The following PLEC variants were observed in gnomAD, a reference collection of about 807,000 sequenced individuals.
PLEC encodes the protein hemidesmosomal protein 1.
PLEC carries 216 observed loss-of-function variants against 392.8 expected under a neutral mutation model. The ratio of observed to expected loss-of-function variants is 0.55; its 90% confidence interval spans 0.49 to 0.62. PLEC has a LOEUF of 0.62. PLEC is among the 20% of genes least tolerant of loss of function. The pLI, the probability that PLEC is intolerant of heterozygous loss-of-function variation, is 0.00. For synonymous variants in PLEC, 3,621 were observed against 2,980.6 expected (o/e 1.21, Z -7.00); for missense variants, 6,863 against 6,563.4 (o/e 1.05, Z -1.58).
chr8:143,966,390 C>G (rs1243293117), intron 1 of PLEC, among the ~76,000 whole-genome samples: 1 of 152,232 alleles, frequency 6.6e-6, no homozygotes, highest in Non-Finnish European at 1.5e-5. Context: ...TCTGCACACG[C>G]ATACCTATCT....
rs200509064 is a variant in PLEC, at chr8:143,919,390, G to A, written c.10431C>T (p.Pro3477=). The part of the protein sequence containing the change: ...AQIATGGIID[P]VHSHRVPVDV... ...CCACAGGCACGCGGTGGCTGTGCAC[G>A]GGGTCGATGATGCCGCCCGTGGCGA... The change falls in exon 32 of 32, where the codon CCC becomes CCT. Residue 3477 remains proline, a synonymous_variant. Coordinates refer to ENST00000345136, the MANE Select transcript of PLEC (RefSeq NM_201384.3). 7.7e-5 allele frequency: 125 copies of A among 1,613,620 alleles called. No individual in the cohort carries two copies. Among genetic ancestry groups the A allele is most frequent in the Middle Eastern group, 3.3e-4 (2 of 6,056 alleles).
rs782076448 is a variant in PLEC at position 143,916,850 on chromosome 8, G to T, written c.12971C>A (p.Pro4324His). ...AQACTGGIID[P>H]STGERFPVTD... ...GACAGGGAAGCGCTCACCGGTGCTGGGGTCGATGATGCCCCCGGTGCAGGC... is the reference window on the plus strand; with the variant it reads ...GACAGGGAAGCGCTCACCGGTGCTGTGGTCGATGATGCCCCCGGTGCAGGC... Residue 4324 changes from proline (P) to histidine (H), a missense_variant, in exon 32 of 32, where the codon CCC becomes CAC. Coordinates refer to ENST00000345136, the MANE Select transcript of PLEC (RefSeq NM_201384.3). 6.2e-7 allele frequency: 1 copy of T among 1,612,466 alleles called. No individual in the cohort carries two copies. The highest frequency in any genetic ancestry group is 1.7e-4 in the Middle Eastern group (1 of 6,058).
At position 143,919,782 on chromosome 8, in the gene PLEC, C is replaced by T. The variant is rs782748769; in HGVS notation, c.10039G>A (p.Val3347Met). ...TVKDLSELGSVRTLLQGSGCL... is the reference protein window; with the variant it reads ...TVKDLSELGSMRTLLQGSGCL... ...CCACTGCCCTGCAGCAGCGTCCGCACGGAGCCCAGCTCCGAAAGGTCCTTG... is the reference window on the plus strand; with the variant it reads ...CCACTGCCCTGCAGCAGCGTCCGCATGGAGCCCAGCTCCGAAAGGTCCTTG... The change falls in exon 32 of 32, where the codon GTG (valine) becomes ATG (methionine). Residue 3347 changes from valine (V) to methionine (M), a missense_variant. Physicochemically the swap from Val to Met is conservative, Grantham distance 21. Coordinates refer to ENST00000345136, the MANE Select transcript of PLEC (RefSeq NM_201384.3). The T allele has an allele frequency of 4.7e-5, 75 of 1,612,306 alleles. 1 individual carries two copies. Among genetic ancestry groups the T allele is most frequent in the South Asian group, 3.1e-4 (28 of 91,068 alleles).
At chr8:143,952,244 G>C (rs1832265640), upstream of PLEC, among the ~76,000 whole-genome samples, 1 of 152,026 alleles carries the variant, frequency 6.6e-6, no homozygotes, top group Non-Finnish European at 1.5e-5. Flanking sequence ...GCACGCCTGC[G>C]TACACAGAGG....
Position 143,973,416 on chromosome 8 carries a change from G to A in PLEC, c.57C>T (p.Arg19=). 6.4e-7 allele frequency: 1 copy of A among 1,555,122 alleles called. No individual in the cohort carries two copies. Among genetic ancestry groups the A allele is most frequent in the Non-Finnish European group, 8.7e-7 (1 of 1,150,862 alleles). ...GGGGGGCCGTACCTTTGTACTTCTC[G>A]CGCACCTCCTCGTAGGCCTGGATGA... Residue 19 remains arginine, a synonymous_variant, in exon 1 of 32, where the codon CGC becomes CGT. Coordinates refer to the PLEC transcript ENST00000356346. This position sits in a 1 kb window ranked among gnomAD's most constrained non-coding sequence, Gnocchi z 5.6.
chr8:143,972,958 C>G (rs1424276006), intron 1 of PLEC, among the ~76,000 whole-genome samples: 1 of 152,202 alleles, frequency 6.6e-6, no homozygotes, highest in African/African-American at 2.4e-5. Flanking sequence ...CAGCCCAGGC[C>G]CTCGCCAGTT....
intron 6 of PLEC, 147 bp from the exon 7 acceptor site, chr8:143,935,460 A>T: frequency 1.4e-6 from 1 of 696,606 alleles, no homozygotes; most frequent in South Asian, 1.6e-5. Flanking sequence ...TCACATGGGC[A>T]GAGCTGAGAG....
chr8:143,953,892 G>A, upstream of PLEC: 1 of 1,506,132 alleles, frequency 6.6e-7, no homozygotes, highest in Non-Finnish European at 8.9e-7. Context: ...AGGGCTTGCC[G>A]GCCAGGGGCG....
At chr8:143,953,038 C>G (rs558464012), upstream of PLEC, among the ~76,000 whole-genome samples, 1 of 146,472 alleles carries the variant, frequency 6.8e-6, no homozygotes, top group East Asian at 2.2e-4. Context: ...CACACCCCCC[C>G]CGAAGCACAC....
In PLEC at chr8:143,933,074, T is replaced by C; in HGVS notation, c.1456A>G (p.Thr486Ala). The change falls in exon 14 of 32, where the codon ACC (threonine) becomes GCC (alanine). Residue 486 changes from threonine to alanine, a missense_variant. Physicochemically the swap from Thr to Ala is moderately conservative, Grantham distance 58. Coordinates refer to ENST00000345136, the MANE Select transcript of PLEC (RefSeq NM_201384.3). ...RLHERLVAIR[T>A]EYNLRLKAGV... ...GCCTTCAGCCGTAGGTTGTACTCGG[T>C]GCGGATGGCTACCAGGCGCTCGTGC... 3 of 1,589,898 alleles carry C rather than the reference T, an allele frequency of 1.9e-6. No individual in the cohort carries two copies. Among genetic ancestry groups the C allele is most frequent in the East Asian group, 2.3e-5 (1 of 43,852 alleles).
In PLEC at chr8:143,922,850, T is replaced by A. The variant is rs888782625; in HGVS notation, c.7079A>T (p.Glu2360Val). The change falls in exon 31 of 32, where the codon GAG (glutamate) becomes GTG (valine). Residue 2360 changes from glutamate to valine, a missense_variant. Transcript: ENST00000345136. The part of the protein sequence containing the change: ...KEQMAQQLAE[E>V]TQGFQRTLEA... ...CAGCGTCCGCTGGAAGCCCTGCGTC[T>A]CCTCCGCCAGCTGCTGCGCCATCTG... 1 of 1,579,858 alleles carries A rather than the reference T, an allele frequency of 6.3e-7. No homozygotes were observed. The highest frequency in any genetic ancestry group is 8.6e-7 in the Non-Finnish European group (1 of 1,164,770).
intron 1 of PLEC, among the ~76,000 whole-genome samples, chr8:143,959,894 G>C (rs1554740308): frequency 6.6e-6 from 1 of 152,204 alleles, no homozygotes; most frequent in African/African-American, 2.4e-5. Flanking sequence ...TACTCAGGAG[G>C]CTGAGGCAGG....
upstream of PLEC, chr8:143,942,628 T>A: frequency 7.9e-7 from 1 of 1,259,840 alleles, no homozygotes; most frequent in East Asian, 2.9e-5. Context: ...GCTCTCCACC[T>A]CTTCCACCTC....
upstream of PLEC, chr8:143,943,994 C>T (rs1439858903): frequency 1.3e-6 from 2 of 1,524,262 alleles, no homozygotes; most frequent in East Asian, 4.9e-5. Flanking sequence ...AGGGGGAGCG[C>T]CGGGACCGGA....
chr8:143,919,500 A>G lies in PLEC; in HGVS notation c.10321T>C (p.Ser3441Pro). 6.2e-7 allele frequency: 1 copy of G among 1,612,842 alleles called. No individual in the cohort carries two copies. The highest frequency in any genetic ancestry group is 8.5e-7 in the Non-Finnish European group (1 of 1,179,844). Reference protein sequence around the residue: ...KAVTGYRDPYSGSTISLFQAM... With the variant: ...KAVTGYRDPYPGSTISLFQAM... ...TGGAAGAGGGAGATGGTGCTGCCCG[A>G]GTAGGGGTCTCTGTAGCCGGTGACG... Residue 3441 changes from serine (S) to proline (P), a missense_variant, in exon 32 of 32, where the codon TCG (serine) becomes CCG (proline). Transcript: ENST00000345136.
In PLEC at chr8:143,925,331, C is replaced by A. The variant is rs201430180; in HGVS notation, c.4598G>T (p.Arg1533Leu). The A allele has an allele frequency of 1.9e-6, 3 of 1,555,622 alleles. No homozygotes were observed. The highest frequency in any genetic ancestry group is 2.7e-5 in the African/African-American group (2 of 73,376). ...AEAEAAREKQ[R>L]ALQALEELRL... ...CAGCTCCTCCAGGGCCTGCAGGGCC[C>A]GCTGCTTCTCGCGCGCCGCCTCGGC... The change falls in exon 31 of 32, where the codon CGG becomes CTG. Residue 1533 changes from arginine (R) to leucine (L), a missense_variant. Arg to Leu is a moderately radical substitution (Grantham distance 102). Transcript: ENST00000345136.
In PLEC at chr8:143,925,619, G is replaced by A. The variant is rs1473764921; in HGVS notation, c.4310C>T (p.Ala1437Val). ...GCGCTCAGCCGCCTCTGCCTGCCGG[G>A]CCTTGGCCTGGATCTCCGCCTCCGA... ...QSSEAEIQAK[A>V]RQAEAAERSR... The change falls in exon 31 of 32, where the codon GCC becomes GTC. Residue 1437 changes from alanine to valine, a missense_variant. Ala to Val is a moderately conservative substitution (Grantham distance 64). Transcript: ENST00000345136. 8 of 1,582,890 alleles carry A rather than the reference G, an allele frequency of 5.1e-6. No individual in the cohort carries two copies. Among genetic ancestry groups the A allele is most frequent in the Non-Finnish European group, 6.0e-6 (7 of 1,172,010 alleles).
At position 143,920,663 on chromosome 8, in the gene PLEC, A is replaced by G. The variant is rs782275232; in HGVS notation, c.9158T>C (p.Met3053Thr). 1 of 1,603,768 alleles carries G rather than the reference A, an allele frequency of 6.2e-7. No homozygotes were observed. The highest frequency in any genetic ancestry group is 1.3e-5 in the African/African-American group (1 of 74,896). ...CTGGGCTTCCAACAGGGCCACGGCCATGTCGGATGGCAGCAGGTCTTTCTT... is the reference window on the plus strand; with the variant it reads ...CTGGGCTTCCAACAGGGCCACGGCCGTGTCGGATGGCAGCAGGTCTTTCTT... ...ALKKDLLPSDMAVALLEAQAG... is the reference protein window; with the variant it reads ...ALKKDLLPSDTAVALLEAQAG... Residue 3053 changes from methionine to threonine, a missense_variant, in exon 32 of 32, where the codon ATG (methionine) becomes ACG (threonine). Physicochemically the swap from Met to Thr is moderately conservative, Grantham distance 81. Coordinates refer to ENST00000345136, the MANE Select transcript of PLEC (RefSeq NM_201384.3).
chr8:143,942,660 C>G, upstream of PLEC: 1 of 1,083,160 alleles, frequency 9.2e-7, no homozygotes, highest in Non-Finnish European at 1.3e-6. Context: ...CCGCCCACTG[C>G]GGGAGCGAGG....
Sources: allele counts gnomAD v4.1 joint callset (sites outside exome capture counted in the v4.1 genomes callset), GRCh38; gene constraint gnomAD v4.1.1; non-coding constraint Gnocchi (gnomAD v3.1); transcripts MANE v1.5; gene names NCBI Gene and HGNC (gene_info 2026-07-23, HGNC 2026-07-21).